The following IGDCC3 variants were observed in gnomAD, a reference collection of about 807,000 sequenced individuals.
IGDCC3 encodes putative neuronal cell adhesion molecule.
A neutral mutation model predicts 72.0 loss-of-function variants in IGDCC3; 47 were observed. The observed-to-expected ratio is 0.65, with a 90% confidence interval of 0.52 to 0.83. The LOEUF is 0.83. IGDCC3 is among the 40% of genes least tolerant of loss of function. IGDCC3 has a pLI of 0.00. For synonymous variants in IGDCC3, 477 were observed against 472.8 expected (o/e 1.01, Z -0.11); for missense variants, 1,038 against 1,091.3 (o/e 0.95, Z 0.69).
chr15:65,330,837 C>T, intron 9 of IGDCC3, 96 bp from the exon 10 acceptor site: 1 of 1,181,488 alleles, frequency 8.5e-7, no homozygotes, highest in Non-Finnish European at 1.2e-6. Context: ...AGCCTGACAG[C>T]CCTCTGGCCT....
In IGDCC3 at chr15:65,330,733, G is replaced by C; in HGVS notation, c.1570C>G (p.Pro524Ala). 1 of 1,605,388 alleles carries C rather than the reference G, an allele frequency of 6.2e-7. No individual in the cohort carries two copies. Among genetic ancestry groups the C allele is most frequent in the Non-Finnish European group, 8.5e-7 (1 of 1,175,236 alleles). The change falls in exon 10 of 14, where the codon CCA becomes GCA. Residue 524 changes from proline (P) to alanine (A), a missense_variant. Transcript: ENST00000327987. ...AGGACTCGCACTGACAGTGGGGGTG[G>C]GGCAGGGGCTGCAGGTAGAGAAGGA... Reference protein sequence around the residue: ...LASTLGEAPAPPPLSVRVLGS... With the variant: ...LASTLGEAPAAPPLSVRVLGS...
chr15:65,337,786 C>T (rs538305917), intron 2 of IGDCC3, among the ~76,000 whole-genome samples: 18 of 152,288 alleles, frequency 1.2e-4, no homozygotes, highest in Non-Finnish European at 2.4e-4. Context: ...TCTACATCCC[C>T]CAGGCCCTGC....
intron 2 of IGDCC3, among the ~76,000 whole-genome samples, chr15:65,354,004 C>T (rs1187447362): frequency 6.6e-6 from 1 of 152,164 alleles, no homozygotes; most frequent in East Asian, 1.9e-4. Flanking sequence ...CTCCCTGCTT[C>T]AAGTGATTCT....
Position 65,329,860 on chromosome 15 carries a change from C to T in IGDCC3, c.1863G>A (p.Leu621=). The T allele has an allele frequency of 6.2e-7, 1 of 1,613,914 alleles. No individual in the cohort carries two copies. ...SLRGASERTA[L]SPPCDCRKEE... is the part of the protein sequence containing the mutation. ...CCTTCCGGCAGTCACATGGTGGGCT[C>T]AAGGCTGGGGACAGGGACGGGTTGG... is the stretch of plus-strand genomic sequence containing the variant. Residue 621 remains leucine, a synonymous_variant, in exon 12 of 14, where the codon TTG becomes TTA. Transcript: ENST00000327987. This position sits in a 1 kb window ranked among gnomAD's most constrained non-coding sequence, Gnocchi z 4.1.
rs1396267617 is a variant in IGDCC3 at position 65,329,659 on chromosome 15, C to T, written c.1998-62G>A. On this transcript the variant is annotated intron_variant, in intron 12 of 13. Transcript: ENST00000327987. This position sits in a 1 kb window ranked among gnomAD's most constrained non-coding sequence, Gnocchi z 4.1. ...AAAAGAGACAGAGGCAGTGAGCCCA[C>T]ACTCACCTTCTCTAGGCCTAGTCCC... The T allele has an allele frequency of 2.1e-5, 34 of 1,611,180 alleles. No homozygotes were observed. Among genetic ancestry groups the T allele is most frequent in the Non-Finnish European group, 2.7e-5 (32 of 1,177,702 alleles).
Position 65,329,767 on chromosome 15 carries a change from G to C in IGDCC3, c.1956C>G (p.Ile652Met), listed in dbSNP as rs150160740. 5.0e-5 allele frequency: 81 copies of C among 1,614,082 alleles called. No individual in the cohort carries two copies. Among genetic ancestry groups the C allele is most frequent in the Non-Finnish European group, 6.5e-5 (77 of 1,180,054 alleles). The change falls in exon 12 of 14, where the codon ATC becomes ATG. Residue 652 changes from isoleucine (I) to methionine (M), a missense_variant. By Grantham distance (10) the Ile-to-Met change is conservative. Coordinates refer to ENST00000327987, the MANE Select transcript of IGDCC3 (RefSeq NM_004884.4). The surrounding 1 kb of genome is among the most constrained non-coding windows in gnomAD (Gnocchi z 4.1). The stretch of plus-strand genomic sequence containing the variant: ...ACAGGAGGAAGAGGACACAGAAGAT[G>C]ATGCAAGTGACCCCGATGTGGATGC... ...VIGIHIGVTC[I>M]IFCVLFLLFG...
intron 2 of IGDCC3, among the ~76,000 whole-genome samples, chr15:65,367,666 C>T (rs1008534373): frequency 7.2e-5 from 11 of 152,040 alleles, no homozygotes; most frequent in Admixed American, 1.3e-4. Context: ...CAGGGCTTGC[C>T]CCACTCCTCT....
At chr15:65,341,851 G>T (rs1001211168) in intron 2 of IGDCC3, among the ~76,000 whole-genome samples, 1 of 152,212 alleles carries the variant, frequency 6.6e-6, no homozygotes, top group Middle Eastern at 3.4e-3. Flanking sequence ...TCAGCTCACC[G>T]CAACCTCCAC....
At position 65,377,861 on chromosome 15, in the gene IGDCC3, C is replaced by T; in HGVS notation, c.-73G>A. ...TCGCGGCTCACAGCGTCCCGCGGGG[C>T]CGGCGCCGGGGCCGGGGCTGGGGCT... On this transcript the variant is annotated 5_prime_UTR_variant, in exon 1 of 14. Coordinates refer to ENST00000327987, the MANE Select transcript of IGDCC3 (RefSeq NM_004884.4). This position sits in a 1 kb window ranked among gnomAD's most constrained non-coding sequence, Gnocchi z 4.9. 3 of 1,074,740 alleles carry T rather than the reference C, an allele frequency of 2.8e-6. No homozygotes were observed. The highest frequency in any genetic ancestry group is 6.6e-5 in the East Asian group (1 of 15,080). The allele number at this position is 1,074,740 out of a possible 1,614,324, so 66.6% of individuals were successfully genotyped here. A position where few individuals can be genotyped will look rare whatever the true frequency, so the allele number is the denominator to read the frequency against.
intron 2 of IGDCC3, among the ~76,000 whole-genome samples, chr15:65,351,516 A>G (rs1254749547): frequency 6.7e-6 from 1 of 149,562 alleles, no homozygotes; most frequent in African/African-American, 2.5e-5. Flanking sequence ...CCTGGGCGAC[A>G]GAGTGAGACT....
At chr15:65,337,199 G>C (rs1252923682) in intron 2 of IGDCC3, among the ~76,000 whole-genome samples, 1 of 152,214 alleles carries the variant, frequency 6.6e-6, no homozygotes, top group African/African-American at 2.4e-5. Context: ...GAGTCTCTGG[G>C]GGCTGGCTCC....
Position 65,377,956 on chromosome 15 carries a change from G to A in IGDCC3, c.-168C>T, listed in dbSNP as rs1373782981. On this transcript the variant is annotated 5_prime_UTR_variant, in exon 1 of 14. Coordinates refer to ENST00000327987, the MANE Select transcript of IGDCC3 (RefSeq NM_004884.4). The surrounding 1 kb of genome is among the most constrained non-coding windows in gnomAD (Gnocchi z 4.9). ...CCTGCTCAGCAGCGCGGGGGGCGCA[G>A]GGGGAGCGCCGCTTGCGCCATCTTG... The A allele has an allele frequency of 1.9e-6, 1 of 537,774 alleles. No homozygotes were observed. The highest frequency in any genetic ancestry group is 2.0e-5 in the African/African-American group (1 of 48,848). The allele number at this position is 537,774 out of a possible 1,614,324, so 33.3% of individuals were successfully genotyped here.
Position 65,333,409 on chromosome 15 carries a change from C to A in IGDCC3, c.830G>T (p.Arg277Leu). The change falls in exon 6 of 14, where the codon CGC becomes CTC. Residue 277 changes from arginine to leucine, a missense_variant. Coordinates refer to ENST00000327987, the MANE Select transcript of IGDCC3 (RefSeq NM_004884.4). Reference protein sequence around the residue: ...PIVSWSRLDGRPIGVEGIQVL... With the variant: ...PIVSWSRLDGLPIGVEGIQVL... Reference sequence around the variant, plus strand: ...CTGGATGCCCTCCACCCCGATAGGGCGACCATCTGCAGAGGAAGGGGAGGG... The same window carrying A: ...CTGGATGCCCTCCACCCCGATAGGGAGACCATCTGCAGAGGAAGGGGAGGG... The A allele has an allele frequency of 6.3e-7, 1 of 1,599,708 alleles. No homozygotes were observed. The highest frequency in any genetic ancestry group is 1.7e-5 in the Admixed American group (1 of 58,162).
chr15:65,329,223 C>T lies in IGDCC3; in HGVS notation c.2206-75G>A, dbSNP rs1595747729. The T allele has an allele frequency of 1.3e-6, 2 of 1,533,878 alleles. No homozygotes were observed. The highest frequency in any genetic ancestry group is 2.3e-5 in the East Asian group (1 of 44,142). On this transcript the variant is annotated intron_variant, in intron 13 of 13. Transcript: ENST00000327987. This position sits in a 1 kb window ranked among gnomAD's most constrained non-coding sequence, Gnocchi z 4.1. The stretch of plus-strand genomic sequence containing the variant: ...AGGCTCCAACTCACCCCACTTGGGC[C>T]TTAGGGTCTCCAGGTCTCCCTGCCT...
Position 65,328,670 on chromosome 15 carries a change from G to C in IGDCC3, c.*239C>G, listed in dbSNP as rs2090944846. On this transcript the variant is annotated 3_prime_UTR_variant, in exon 14 of 14. Coordinates refer to ENST00000327987, the MANE Select transcript of IGDCC3 (RefSeq NM_004884.4). Reference sequence around the variant, plus strand: ...ATGTGGGTACCAGGCAGAGGCAAGGGGGCGTCAGCCCAGGGAAGGAACAGG... The same window carrying C: ...ATGTGGGTACCAGGCAGAGGCAAGGCGGCGTCAGCCCAGGGAAGGAACAGG... 3 of 400,926 alleles carry C rather than the reference G, an allele frequency of 7.5e-6. No homozygotes were observed. Among genetic ancestry groups the C allele is most frequent in the African/African-American group, 6.2e-5 (3 of 48,556 alleles). 24.8% of individuals were successfully genotyped at this position (400,926 alleles called of 1,614,324 possible). A position where few individuals can be genotyped will look rare whatever the true frequency, so the allele number is the denominator to read the frequency against.
chr15:65,365,413 C>A (rs2091284151), intron 2 of IGDCC3, among the ~76,000 whole-genome samples: 1 of 152,082 alleles, frequency 6.6e-6, no homozygotes, highest in Non-Finnish European at 1.5e-5. Context: ...CCAGTTCCTG[C>A]CCATTATCAC....
chr15:65,356,097 T>TGAA (rs2140160435), intron 2 of IGDCC3: 1 of 220,166 alleles, frequency 4.5e-6, no homozygotes, highest in Admixed American at 5.8e-5. Context: ...GCAGTTGTCC[T>TGAA]TAATTCAGGA....
intron 2 of IGDCC3, among the ~76,000 whole-genome samples, chr15:65,352,110 T>C (rs918842370): frequency 1.3e-5 from 2 of 152,254 alleles, no homozygotes; most frequent in Admixed American, 1.3e-4. Flanking sequence ...CTGAATTAAC[T>C]GAACCAATAG....
Position 65,377,230 on chromosome 15 carries a change from A to C in IGDCC3, c.103+456T>G, listed in dbSNP as rs542516129. On this transcript the variant is annotated intron_variant, in intron 1 of 13. Coordinates refer to ENST00000327987, the MANE Select transcript of IGDCC3 (RefSeq NM_004884.4). The surrounding 1 kb of genome is among the most constrained non-coding windows in gnomAD (Gnocchi z 4.9). ...AATGCAGGTCGTGCCATCTCCGCCCAGTGCAGCCGTCAGAGTCCCGGTCTC... is the reference window on the plus strand; with the variant it reads ...AATGCAGGTCGTGCCATCTCCGCCCCGTGCAGCCGTCAGAGTCCCGGTCTC... 3.2e-4 allele frequency among the ~76,000 whole-genome samples: 48 copies of C among 152,064 alleles called. No individual in the cohort carries two copies. The highest frequency in any genetic ancestry group is 1.1e-3 in the African/African-American group (46 of 41,454).
Sources: allele counts gnomAD v4.1 joint callset (sites outside exome capture counted in the v4.1 genomes callset), GRCh38; gene constraint gnomAD v4.1.1; non-coding constraint Gnocchi (gnomAD v3.1); transcripts MANE v1.5; gene names NCBI Gene and HGNC (gene_info 2026-07-23, HGNC 2026-07-21).